The following RBFOX1 variants were observed in gnomAD, a reference collection of about 807,000 sequenced individuals.
RBFOX1 encodes RNA binding fox-1 homolog 1.
Under a neutral mutation model 57.7 loss-of-function variants are expected in RBFOX1, and 8 were observed. That is an observed-to-expected ratio of 0.14 (90% CI 0.08 to 0.25). The LOEUF (loss-of-function observed/expected upper bound fraction) is 0.25, where lower values mean the gene tolerates loss of function less well. Among genes scored for constraint, RBFOX1 ranks in the 10% least tolerant of loss-of-function variants. The pLI is 1.00. For synonymous variants in RBFOX1, 326 were observed against 222.4 expected (o/e 1.47, Z -4.15); for missense variants, 611 against 548.5 (o/e 1.11, Z -1.14).
chr16:6,744,427 C>G (rs1292089048), intron 3 of RBFOX1, among the ~76,000 whole-genome samples: 1 of 151,894 alleles, frequency 6.6e-6, no homozygotes, highest in Non-Finnish European at 1.5e-5. Context: ...GAAATGTTTT[C>G]AAGAAAAGAG....
intron 1 of RBFOX1, among the ~76,000 whole-genome samples, chr16:6,055,711 G>T (rs978677800): frequency 4.0e-5 from 6 of 151,786 alleles, no homozygotes; most frequent in Non-Finnish European, 1.5e-5. Flanking sequence ...ATAAGGAAGT[G>T]TGAAGACTTC....
chr16:6,626,201 C>T (rs966979522), intron 2 of RBFOX1, among the ~76,000 whole-genome samples: 7 of 150,998 alleles, frequency 4.6e-5, no homozygotes, highest in African/African-American at 2.4e-5. Flanking sequence ...TTCTGCTGTC[C>T]ATCAGATTGA....
At chr16:6,787,885 G>GGC (rs1190906251) in intron 3 of RBFOX1, among the ~76,000 whole-genome samples, 1 of 152,168 alleles carries the variant, frequency 6.6e-6, no homozygotes, top group Non-Finnish European at 1.5e-5. Flanking sequence ...ATAGAGAGAA[G>GGC]TTTTAATATT....
intron 4 of RBFOX1, among the ~76,000 whole-genome samples, chr16:7,103,450 C>A (rs891926503): frequency 3.3e-5 from 5 of 152,102 alleles, no homozygotes; most frequent in Admixed American, 3.3e-4. Flanking sequence ...CACCTTCAGT[C>A]CTGCTGAATT....
chr16:6,713,465 A>G (rs1219256309), intron 3 of RBFOX1, among the ~76,000 whole-genome samples: 2 of 152,074 alleles, frequency 1.3e-5, no homozygotes, highest in Non-Finnish European at 2.9e-5. Context: ...GCTGTGCTGT[A>G]GGGGTCTGTC....
At chr16:7,074,878 A>T (rs1029945609) in intron 4 of RBFOX1, among the ~76,000 whole-genome samples, 1 of 152,234 alleles carries the variant, frequency 6.6e-6, no homozygotes, top group Non-Finnish European at 1.5e-5. Context: ...AGTACAGGTA[A>T]CTAAGTTCTC....
At chr16:7,236,431 A>G (rs2093769859) in intron 4 of RBFOX1, among the ~76,000 whole-genome samples, 1 of 152,134 alleles carries the variant, frequency 6.6e-6, no homozygotes, top group Non-Finnish European at 1.5e-5. Flanking sequence ...TCTGGCCTTC[A>G]GTTCTCCTCT....
At chr16:5,618,340 T>TG (rs1567305684) in intron 3 of RBFOX1, among the ~76,000 whole-genome samples, 9 of 144,034 alleles carry the variant, frequency 6.2e-5, no homozygotes, top group African/African-American at 2.4e-4. Flanking sequence ...TTTTTTTTTT[T>TG]TGTGTGTGTG....
At chr16:7,156,011 ACACT>A (rs1200983028) in intron 4 of RBFOX1, among the ~76,000 whole-genome samples, 5 of 151,832 alleles carry the variant, frequency 3.3e-5, no homozygotes, top group African/African-American at 7.3e-5. Context: ...ATCTACACAC[ACACT>A]CACACATACA....
At chr16:5,810,431 A>G (rs1222453842) in intron 3 of RBFOX1, among the ~76,000 whole-genome samples, 1 of 152,200 alleles carries the variant, frequency 6.6e-6, no homozygotes, top group Non-Finnish European at 1.5e-5. Flanking sequence ...TTTAGTCCAG[A>G]ATTGTGGAAA....
chr16:6,809,116 A>T (rs1369391394), intron 3 of RBFOX1, among the ~76,000 whole-genome samples: 2 of 152,148 alleles, frequency 1.3e-5, no homozygotes, highest in South Asian at 4.1e-4. Context: ...GCAAACACCA[A>T]CCTGTCACCA....
intron 4 of RBFOX1, among the ~76,000 whole-genome samples, chr16:7,389,054 ATAT>A (rs2097940516): frequency 6.6e-6 from 1 of 152,178 alleles, no homozygotes; most frequent in African/African-American, 2.4e-5. Flanking sequence ...GGGTATGGCC[ATAT>A]GTAATATGTT....
At chr16:7,490,208 C>T (rs181764054) in intron 4 of RBFOX1, among the ~76,000 whole-genome samples, 6 of 152,280 alleles carry the variant, frequency 3.9e-5, no homozygotes, top group Non-Finnish European at 8.8e-5. Flanking sequence ...TTGTTCAAGG[C>T]AGATGCTTTT....
intron 4 of RBFOX1, among the ~76,000 whole-genome samples, chr16:7,225,894 A>C (rs2093070669): frequency 7.8e-6 from 1 of 128,226 alleles, no homozygotes; most frequent in African/African-American, 2.8e-5. Context: ...CCTAGAACTT[A>C]AAGTATAATA....
In RBFOX1 at chr16:6,845,784, C is replaced by T. The variant is rs111773227; in HGVS notation, c.-16+191134C>T. ...ACTGGTCTTTTATCAGATCCTCAAACAAGTAAGGCTCTTTCATATTTTAGA... is the reference window on the plus strand; with the variant it reads ...ACTGGTCTTTTATCAGATCCTCAAATAAGTAAGGCTCTTTCATATTTTAGA... On this transcript the variant is annotated intron_variant, in intron 3 of 15. Coordinates refer to ENST00000550418, the MANE Select transcript of RBFOX1 (RefSeq NM_018723.4). 2.6e-5 allele frequency among the ~76,000 whole-genome samples: 4 copies of T among 152,314 alleles called. No individual in the cohort carries two copies. The South Asian group carries it at 8.3e-4, about 32-fold the overall frequency.
chr16:7,533,382 A>T (rs558005269), intron 5 of RBFOX1, among the ~76,000 whole-genome samples: 1 of 152,246 alleles, frequency 6.6e-6, no homozygotes, highest in East Asian at 1.9e-4. Flanking sequence ...CCACCTTGAA[A>T]CACCCATACA....
chr16:5,750,696 G>C, intron 3 of RBFOX1, among the ~76,000 whole-genome samples: 1 of 152,332 alleles, frequency 6.6e-6, no homozygotes, highest in East Asian at 1.9e-4. Flanking sequence ...CTGGTGTGCC[G>C]TTTGCTGACT....
chr16:7,551,944 GA>G (rs545252143), intron 5 of RBFOX1, among the ~76,000 whole-genome samples: 3 of 152,264 alleles, frequency 2.0e-5, no homozygotes, highest in African/African-American at 7.2e-5. Context: ...ACCCTAGGAG[GA>G]ATATTCCAGC....
intron 3 of RBFOX1, among the ~76,000 whole-genome samples, chr16:6,874,620 C>A (rs34506874): frequency 2.7e-5 from 4 of 150,620 alleles, no homozygotes; most frequent in African/African-American, 9.8e-5. Context: ...GGAAACCAAA[C>A]ATCTCATGGC....
Sources: allele counts gnomAD v4.1 joint callset (sites outside exome capture counted in the v4.1 genomes callset), GRCh38; gene constraint gnomAD v4.1.1; transcripts MANE v1.5; gene names NCBI Gene and HGNC (gene_info 2026-07-23, HGNC 2026-07-21).